Variants in PTPRD observed in about 807,000 individuals in gnomAD.
PTPRD encodes protein tyrosine phosphatase receptor type D.
PTPRD carries 34 observed loss-of-function variants against 214.5 expected under a neutral mutation model. That is an observed-to-expected ratio of 0.16 (90% CI 0.12 to 0.21). The LOEUF is 0.21. Ranked by LOEUF, PTPRD falls within the 10% of genes least tolerant of loss-of-function variation. The pLI is 1.00. For synonymous variants in PTPRD, 1,128 were observed against 845.7 expected, an observed-to-expected ratio of 1.33 and a Z score of -5.79; for missense variants, 2,545 against 2,398.7, an observed-to-expected ratio of 1.06 and a Z score of -1.27.
chr9:9,563,654 CATT>C (rs997088717), intron 8 of PTPRD, among the ~76,000 whole-genome samples: 68 of 152,104 alleles, frequency 4.5e-4, no homozygotes, highest in African/African-American at 1.6e-3. Flanking sequence ...AAGGATTAAA[CATT>C]ATGTTATATG....
chr9:9,551,168 G>A (rs560979332), intron 8 of PTPRD, among the ~76,000 whole-genome samples: 1 of 151,854 alleles, frequency 6.6e-6, no homozygotes, highest in Non-Finnish European at 1.5e-5. Flanking sequence ...AAGGAGCTGG[G>A]GTAGTATGGA....
chr9:10,379,837 A>C (rs541744404), intron 2 of PTPRD, among the ~76,000 whole-genome samples: 1 of 151,936 alleles, frequency 6.6e-6, no homozygotes, highest in African/African-American at 2.4e-5. Flanking sequence ...CAAATATCTG[A>C]GTGTTGTTAT....
At chr9:9,751,989 A>G (rs1044274526) in intron 6 of PTPRD, among the ~76,000 whole-genome samples, 3 of 152,150 alleles carry the variant, frequency 2.0e-5, no homozygotes, top group African/African-American at 7.2e-5. Context: ...GGTAGATTAT[A>G]CAACAACTAT....
intron 38 of PTPRD, among the ~76,000 whole-genome samples, 179 bp downstream of exon 38, chr9:8,376,428 T>G (rs562014610): frequency 3.9e-4 from 59 of 152,180 alleles, no homozygotes; most frequent in African/African-American, 1.3e-3. Flanking sequence ...TTATATTTAC[T>G]GATAAATCGC....
intron 11 of PTPRD, among the ~76,000 whole-genome samples, chr9:8,951,776 C>T (rs2099103394): frequency 6.6e-6 from 1 of 152,070 alleles, no homozygotes; most frequent in Admixed American, 6.6e-5. Context: ...ACCCCAAGTT[C>T]TTGTGTGGAA....
Position 8,351,912 on chromosome 9 carries a change from CA to C in PTPRD, c.4662-9935del, listed in dbSNP as rs2075605183. On this transcript the variant is annotated intron_variant, in intron 39 of 45. Coordinates refer to ENST00000381196, the MANE Select transcript of PTPRD (RefSeq NM_002839.4). ...GGGCAGAAACTAAGCACAAAGTTCCCAAACTGCCTGATAAGGATCCTTGTAT... is the reference window on the plus strand; with the variant it reads ...GGGCAGAAACTAAGCACAAAGTTCCCAACTGCCTGATAAGGATCCTTGTAT... Among the ~76,000 whole-genome samples, 3 of 152,120 alleles carry C rather than the reference CA, an allele frequency of 2.0e-5. No homozygotes were observed. In the South Asian group the frequency reaches 6.2e-4, roughly 32 times the overall value.
intron 14 of PTPRD, among the ~76,000 whole-genome samples, chr9:8,595,316 G>T (rs1483927547): frequency 2.0e-5 from 3 of 151,956 alleles, no homozygotes; most frequent in African/African-American, 4.8e-5. Context: ...AAACAAGAAG[G>T]ATCAGCCAGG....
At chr9:9,095,605 T>C (rs1180015582) in intron 10 of PTPRD, among the ~76,000 whole-genome samples, 1 of 152,136 alleles carries the variant, frequency 6.6e-6, no homozygotes, top group African/African-American at 2.4e-5. Context: ...GTTGGAATTA[T>C]AGACGAGCCA....
At chr9:8,605,589 C>G (rs9697029) in intron 14 of PTPRD, among the ~76,000 whole-genome samples, 19,313 of 152,182 alleles carry the variant, frequency 0.13, 1,303 homozygotes, top group Middle Eastern at 0.14. Flanking sequence ...GTTACTAAGC[C>G]TCTGGAAGCC....
At chr9:8,605,280 C>A (rs2095138613) in intron 14 of PTPRD, among the ~76,000 whole-genome samples, 1 of 152,176 alleles carries the variant, frequency 6.6e-6, no homozygotes, top group Non-Finnish European at 1.5e-5. Flanking sequence ...GCTGCAAGTG[C>A]TAAGCATAAT....
intron 9 of PTPRD, among the ~76,000 whole-genome samples, chr9:9,228,020 G>T (rs952487282): frequency 9.2e-5 from 14 of 152,076 alleles, no homozygotes; most frequent in African/African-American, 3.4e-4. Context: ...TTCTGTAGTG[G>T]GAGAATGCAG....
chr9:8,394,692 C>G (rs1564512285), intron 36 of PTPRD, among the ~76,000 whole-genome samples: 1 of 152,128 alleles, frequency 6.6e-6, no homozygotes, highest in African/African-American at 2.4e-5. Flanking sequence ...TCAGACATCT[C>G]TGTGAAGTTA....
intron 9 of PTPRD, among the ~76,000 whole-genome samples, chr9:9,257,617 C>A (rs986054117): frequency 6.6e-6 from 1 of 151,850 alleles, no homozygotes; most frequent in Admixed American, 6.6e-5. Context: ...CATAGTGAGA[C>A]CCTGTCTCTA....
At chr9:9,137,861 A>T (rs942980064) in intron 10 of PTPRD, among the ~76,000 whole-genome samples, 1 of 152,166 alleles carries the variant, frequency 6.6e-6, no homozygotes, top group Non-Finnish European at 1.5e-5. Flanking sequence ...TCCAGACCCA[A>T]TTCAGGTCTA....
chr9:10,122,071 G>A (rs1435272636), intron 3 of PTPRD, among the ~76,000 whole-genome samples: 1 of 152,206 alleles, frequency 6.6e-6, no homozygotes, highest in Non-Finnish European at 1.5e-5. Flanking sequence ...ATTGTGGGAG[G>A]TCAAGGCAGG....
chr9:8,928,015 C>T (rs149537543), intron 11 of PTPRD, among the ~76,000 whole-genome samples: 22,447 of 151,994 alleles, frequency 0.15, 2,021 homozygotes, highest in Non-Finnish European at 0.2. Flanking sequence ...TTTTGAGGAG[C>T]GTCTGTTCAT....
At chr9:9,724,106 T>C (rs1342182380) in intron 7 of PTPRD, among the ~76,000 whole-genome samples, 1 of 152,140 alleles carries the variant, frequency 6.6e-6, no homozygotes, top group African/African-American at 2.4e-5. Flanking sequence ...AACATTAAGA[T>C]GTTTTTTGTT....
chr9:9,256,991 C>G (rs1312630543), intron 9 of PTPRD, among the ~76,000 whole-genome samples: 1 of 152,010 alleles, frequency 6.6e-6, no homozygotes, highest in Non-Finnish European at 1.5e-5. Context: ...TCTAAGACAG[C>G]TCAATTAATT....
intron 10 of PTPRD, among the ~76,000 whole-genome samples, chr9:9,132,938 C>T (rs1277721321): frequency 6.6e-6 from 1 of 152,156 alleles, no homozygotes; most frequent in African/African-American, 2.4e-5. Context: ...AAGTTATATT[C>T]ATTTGCATAT....
Sources: allele counts gnomAD v4.1 joint callset (sites outside exome capture counted in the v4.1 genomes callset), GRCh38; gene constraint gnomAD v4.1.1; transcripts MANE v1.5; gene names NCBI Gene and HGNC (gene_info 2026-07-23, HGNC 2026-07-21).